The following JAM3 variants were observed in gnomAD, a reference collection of about 807,000 sequenced individuals.
JAM3 encodes the protein junctional adhesion molecule C.
In JAM3, 31 loss-of-function variants were observed where a neutral mutation model predicts 39.4. The ratio of observed to expected loss-of-function variants is 0.79; its 90% confidence interval spans 0.59 to 1.06. The LOEUF is 1.06. Ranked by LOEUF, JAM3 falls within the 50% of genes least tolerant of loss-of-function variation. JAM3 has a pLI of 0.00. For missense variants in JAM3, 455 were observed against 391.4 expected (o/e 1.16, Z -1.37); for synonymous variants, 182 against 148.7 (o/e 1.22, Z -1.63).
At chr11:134,127,573 G>A (rs983096573) in intron 1 of JAM3, among the ~76,000 whole-genome samples, 3 of 152,188 alleles carry the variant, frequency 2.0e-5, no homozygotes, top group Admixed American at 6.5e-5. Context: ...GGTGGCACAT[G>A]TCTGTAGTCC....
At chr11:134,127,880 C>T (rs1413850754) in intron 1 of JAM3, among the ~76,000 whole-genome samples, 5 of 152,142 alleles carry the variant, frequency 3.3e-5, no homozygotes, top group African/African-American at 1.2e-4. Context: ...CAGGGGACCT[C>T]TCCATCATCA....
intron 1 of JAM3, among the ~76,000 whole-genome samples, chr11:134,083,660 T>A (rs1941702344): frequency 6.6e-6 from 1 of 151,946 alleles, no homozygotes; most frequent in African/African-American, 2.4e-5. Flanking sequence ...TTAGCTCACA[T>A]TAAAAAAAAA....
intron 1 of JAM3, among the ~76,000 whole-genome samples, chr11:134,097,392 T>C (rs1247982856): frequency 6.6e-6 from 1 of 152,220 alleles, no homozygotes; most frequent in Non-Finnish European, 1.5e-5. Flanking sequence ...CTACAGCACT[T>C]GCTCAGGAAC....
At chr11:134,114,669 G>C (rs566447194) in intron 1 of JAM3, among the ~76,000 whole-genome samples, 6 of 152,154 alleles carry the variant, frequency 3.9e-5, no homozygotes, top group African/African-American at 1.2e-4. Context: ...ATGCCTTTCT[G>C]TACTGATCTC....
intron 1 of JAM3, among the ~76,000 whole-genome samples, chr11:134,089,341 A>G (rs767497498): frequency 2.6e-5 from 4 of 152,002 alleles, no homozygotes; most frequent in Non-Finnish European, 4.4e-5. Flanking sequence ...TTTAAGTTTT[A>G]GGGTACATGT....
At chr11:134,107,546 A>T (rs1320477018) in intron 1 of JAM3, among the ~76,000 whole-genome samples, 1 of 152,172 alleles carries the variant, frequency 6.6e-6, no homozygotes, top group African/African-American at 2.4e-5. Context: ...GTGACATCAG[A>T]ATTAAGACTA....
intron 1 of JAM3, among the ~76,000 whole-genome samples, chr11:134,123,187 C>T (rs1942569178): frequency 6.6e-6 from 1 of 151,918 alleles, no homozygotes; most frequent in Non-Finnish European, 1.5e-5. Context: ...TATAATATAT[C>T]TATATGTCAC....
chr11:134,076,407 G>A (rs1048893591), intron 1 of JAM3, among the ~76,000 whole-genome samples: 7 of 151,666 alleles, frequency 4.6e-5, no homozygotes, highest in African/African-American at 1.5e-4. Context: ...CGCCTGCCTC[G>A]GCCTCCCAAA....
rs1307104189 is a variant in JAM3, at chr11:134,140,681, C to T, written c.167C>T (p.Thr56Met). 11 of 1,613,358 alleles carry T rather than the reference C, an allele frequency of 6.8e-6. No individual in the cohort carries two copies. Among genetic ancestry groups the T allele is most frequent in the South Asian group, 3.3e-5 (3 of 91,052 alleles). ...FESVELSCIITDSQTSDPRIE... is the reference protein window; with the variant it reads ...FESVELSCIIMDSQTSDPRIE... ...GGTGTGGAACTGTCTTGCATCATTA[C>T]GGATTCGCAGACAAGTGACCCCAGG... Residue 56 changes from threonine to methionine, a missense_variant, in exon 3 of 9, where the codon ACG (threonine) becomes ATG (methionine). Thr to Met is a moderately conservative substitution (Grantham distance 81). Coordinates refer to ENST00000299106, the MANE Select transcript of JAM3 (RefSeq NM_032801.5).
intron 1 of JAM3, among the ~76,000 whole-genome samples, chr11:134,107,818 A>G (rs1942225720): frequency 6.6e-6 from 1 of 152,088 alleles, no homozygotes; most frequent in South Asian, 2.1e-4. Flanking sequence ...AGCTAATATT[A>G]CGCCACGGCA....
chr11:134,082,889 C>T (rs567906379), intron 1 of JAM3, among the ~76,000 whole-genome samples: 2 of 152,278 alleles, frequency 1.3e-5, no homozygotes, highest in Admixed American at 1.3e-4. Flanking sequence ...TTTAGAGTGT[C>T]TGCTGAAATA....
At chr11:134,140,027 C>A (rs1480259860) in intron 2 of JAM3, 111 bp downstream of exon 2, 3 of 873,284 alleles carry the variant, frequency 3.4e-6, no homozygotes, top group African/African-American at 1.7e-5. Flanking sequence ...GGAGATGTTC[C>A]GGGTGGACTG....
intron 1 of JAM3, among the ~76,000 whole-genome samples, chr11:134,076,051 C>T (rs1941563591): frequency 6.6e-6 from 1 of 151,172 alleles, no homozygotes; most frequent in African/African-American, 2.4e-5. Context: ...AGTTTTTCCA[C>T]CAATTATATT....
At position 134,144,309 on chromosome 11, in the gene JAM3, G is replaced by A; in HGVS notation, c.325G>A (p.Asp109Asn). ...GAAGATCTGGAATGTGACACGGAGA[G>A]ACTCAGCCCTTTATCGCTGTGAGGT... ...SLKIWNVTRR[D>N]SALYRCEVVA... Residue 109 changes from aspartate (D) to asparagine (N), a missense_variant, in exon 4 of 9, where the codon GAC (aspartate) becomes AAC (asparagine). Physicochemically the swap from Asp to Asn is conservative, Grantham distance 23. Transcript: ENST00000299106. 1.2e-6 allele frequency: 2 copies of A among 1,614,222 alleles called. No homozygotes were observed. The highest frequency in any genetic ancestry group is 1.7e-6 in the Non-Finnish European group (2 of 1,180,030).
At chr11:134,071,770 T>C (rs1250829428) in intron 1 of JAM3, among the ~76,000 whole-genome samples, 2 of 152,212 alleles carry the variant, frequency 1.3e-5, no homozygotes, top group Non-Finnish European at 2.9e-5. Flanking sequence ...TGGCATATTC[T>C]TTTATGTTCT....
intron 1 of JAM3, among the ~76,000 whole-genome samples, chr11:134,134,541 T>A (rs1005478709): frequency 6.6e-6 from 1 of 152,072 alleles, no homozygotes; most frequent in Non-Finnish European, 1.5e-5. Context: ...TCGTACAGTA[T>A]TTGGATTGTA....
chr11:134,146,078 A>C, intron 6 of JAM3, 33 bp downstream of exon 6: 1 of 1,337,656 alleles, frequency 7.5e-7, no homozygotes, highest in Non-Finnish European at 1.1e-6. Context: ...TTTCATCGCA[A>C]GACTGGGAAG....
intron 6 of JAM3, among the ~76,000 whole-genome samples, chr11:134,147,036 G>T (rs1943086148): frequency 6.6e-6 from 1 of 152,196 alleles, no homozygotes; most frequent in South Asian, 2.1e-4. Context: ...CGTTCCGAAG[G>T]ATTCTTCTCA....
intron 1 of JAM3, among the ~76,000 whole-genome samples, chr11:134,131,890 T>A (rs552197337): frequency 1.9e-4 from 29 of 152,152 alleles, no homozygotes; most frequent in African/African-American, 6.7e-4. Context: ...AATTATCAAG[T>A]TTGAGGAGCA....
Sources: gnomAD v4.1 joint callset for allele counts (sites outside exome capture counted in the v4.1 genomes callset) on GRCh38, gnomAD v4.1.1 for gene constraint, MANE v1.5 for transcripts, NCBI Gene and HGNC (gene_info 2026-07-23, HGNC 2026-07-21) for gene names.